Variants in MYO1E observed in about 807,000 individuals in gnomAD.
MYO1E encodes the protein myosin IE, also known as unconventional myosin-Ie.
In MYO1E, 68 loss-of-function variants were observed where a neutral mutation model predicts 151.1. That is an observed-to-expected ratio of 0.45 (90% confidence interval 0.37 to 0.55). The LOEUF (loss-of-function observed/expected upper bound fraction) is 0.55. Among genes scored for constraint, MYO1E ranks in the 20% least tolerant of loss-of-function variants. The probability of loss-of-function intolerance (pLI) is 0.00; values close to 1 mark genes in which losing one functional copy is unlikely to be tolerated. For synonymous variants in MYO1E, 601 were observed against 501.7 expected (o/e 1.20, Z -2.64); for missense variants, 1,363 against 1,389.3 (o/e 0.98, Z 0.30).
rs1193574053 is a variant in MYO1E, at chr15:59,153,706, C to T, written c.2964G>A (p.Leu988=). The T allele has an allele frequency of 1.2e-6, 2 of 1,614,156 alleles. No individual in the cohort carries two copies. Among genetic ancestry groups the T allele is most frequent in the South Asian group, 1.1e-5 (1 of 91,084 alleles). The change falls in exon 26 of 28, where the codon CTG becomes CTA. Residue 988 remains leucine (L), a synonymous_variant. Transcript: ENST00000288235. ...PGSQRSNQKS[L]YTSMARPPLP... is the part of the protein sequence containing the mutation. ...AGGGCGGGCGGGCCATGGAGGTGTA[C>T]AGGCTTTTCTGATTGGACCTCTGGC...
intron 25 of MYO1E, among the ~76,000 whole-genome samples, chr15:59,156,595 T>C (rs1256022214): frequency 2.6e-5 from 4 of 152,220 alleles, no homozygotes; most frequent in African/African-American, 7.2e-5. Flanking sequence ...TCCCAAAGTG[T>C]TGGGATTACA....
chr15:59,314,283 G>A (rs1245433755), intron 1 of MYO1E, among the ~76,000 whole-genome samples: 1 of 152,196 alleles, frequency 6.6e-6, no homozygotes, highest in East Asian at 1.9e-4. Context: ...TTCACACAAT[G>A]CTGGAGAGAA....
rs146014799 is a variant in MYO1E, at chr15:59,344,436, C to T, written c.3+28062G>A. ...AGGGTGACAAAAGCACCCCTATGGC[C>T]ACCACCACTGGGGACTGCAGGTCTG... On this transcript the variant is annotated intron_variant, in intron 1 of 27. Coordinates refer to ENST00000288235, the MANE Select transcript of MYO1E (RefSeq NM_004998.4). 4.1e-3 allele frequency among the ~76,000 whole-genome samples: 618 copies of T among 152,304 alleles called. 8 individuals carry two copies. The highest frequency in any genetic ancestry group is 0.014 in the African/African-American group (593 of 41,566).
At chr15:59,294,982 G>C (rs1274952120) in intron 1 of MYO1E, among the ~76,000 whole-genome samples, 3 of 152,070 alleles carry the variant, frequency 2.0e-5, no homozygotes, top group Non-Finnish European at 4.4e-5. Flanking sequence ...CGGTAATCTT[G>C]TCTGTCCTCT....
At chr15:59,191,106 C>T (rs943886316) in intron 17 of MYO1E, among the ~76,000 whole-genome samples, 4 of 152,028 alleles carry the variant, frequency 2.6e-5, no homozygotes, top group South Asian at 4.2e-4. Context: ...CTTACAGAGC[C>T]AAGAGCCAGA....
chr15:59,349,176 TTATTAA>T (rs767982703), intron 1 of MYO1E, among the ~76,000 whole-genome samples: 9 of 152,184 alleles, frequency 5.9e-5, no homozygotes, highest in Non-Finnish European at 8.8e-5. Context: ...ATTTGAAACC[TTATTAA>T]TAGTAATTAT....
At chr15:59,273,679 GGAA>G (rs2080301584) in intron 1 of MYO1E, among the ~76,000 whole-genome samples, 1 of 103,338 alleles carries the variant, frequency 9.7e-6, no homozygotes. Flanking sequence ...GACCAGAGGA[GGAA>G]GGACATTCAT....
intron 1 of MYO1E, among the ~76,000 whole-genome samples, chr15:59,364,870 C>T (rs2080904340): frequency 6.6e-6 from 1 of 152,016 alleles, no homozygotes; most frequent in South Asian, 2.1e-4. Flanking sequence ...GATTATGCCA[C>T]TGCACTCCAG....
At chr15:59,216,724 A>AC (rs2079921294) in intron 10 of MYO1E, among the ~76,000 whole-genome samples, 4 of 131,460 alleles carry the variant, frequency 3.0e-5, no homozygotes, top group Non-Finnish European at 4.9e-5. Flanking sequence ...ACACACACAC[A>AC]TAATTATGCC....
chr15:59,133,205 C>T lies in MYO1E; in HGVS notation c.*4175G>A, dbSNP rs2079354465. 6.6e-6 allele frequency: 1 copy of T among 152,154 alleles called. No homozygotes were observed. The highest frequency in any genetic ancestry group is 1.5e-5 in the Non-Finnish European group (1 of 68,064). 9.4% of individuals were successfully genotyped at this position (152,154 alleles called of 1,614,324 possible). On this transcript the variant is annotated 3_prime_UTR_variant, in exon 28 of 28. Transcript: ENST00000288235. ...AGACCAGCTGGGCAACACAGGGAGA[C>T]CCCATCTGTACAAATAATTAGCCGA...
chr15:59,340,094 G>C (rs2080755992), intron 1 of MYO1E, among the ~76,000 whole-genome samples: 1 of 152,116 alleles, frequency 6.6e-6, no homozygotes, highest in African/African-American at 2.4e-5. Flanking sequence ...GACCTCAGGT[G>C]ATCTGCCTGT....
intron 26 of MYO1E, among the ~76,000 whole-genome samples, chr15:59,146,260 G>T (rs577274516): frequency 7.8e-4 from 119 of 152,266 alleles, no homozygotes; most frequent in African/African-American, 2.7e-3. Flanking sequence ...AAACATCACA[G>T]AATTGAAAAT....
At position 59,174,107 on chromosome 15, in the gene MYO1E, A is replaced by G; in HGVS notation, c.2164+19T>C. 6.3e-7 allele frequency: 1 copy of G among 1,597,290 alleles called. No homozygotes were observed. The highest frequency in any genetic ancestry group is 8.6e-7 in the Non-Finnish European group (1 of 1,164,762). On this transcript the variant is annotated intron_variant, in intron 20 of 27. Coordinates refer to ENST00000288235, the MANE Select transcript of MYO1E (RefSeq NM_004998.4). ...TCTTCAGATTTATTAAAATCAATGA[A>G]ACAAAATTGCTAAAATACCTTCTTC... is the stretch of plus-strand genomic sequence containing the variant.
At chr15:59,272,772 G>T (rs1041583137) in intron 1 of MYO1E, among the ~76,000 whole-genome samples, 4 of 152,174 alleles carry the variant, frequency 2.6e-5, no homozygotes, top group Non-Finnish European at 5.9e-5. Flanking sequence ...TGTGTGAAGT[G>T]CTAAACAGTG....
chr15:59,195,014 A>G (rs1450824184), intron 17 of MYO1E, among the ~76,000 whole-genome samples: 2 of 152,182 alleles, frequency 1.3e-5, no homozygotes, highest in Admixed American at 1.3e-4. Flanking sequence ...TGTCTTCACG[A>G]GGCACAGCAA....
intron 15 of MYO1E, among the ~76,000 whole-genome samples, chr15:59,203,735 G>A (rs1354833762): frequency 2.0e-5 from 3 of 152,220 alleles, no homozygotes; most frequent in Admixed American, 2.0e-4. Flanking sequence ...TGCCTCACTA[G>A]CAACAGGGCA....
chr15:59,362,179 A>G (rs1199169838), intron 1 of MYO1E, among the ~76,000 whole-genome samples: 7 of 152,182 alleles, frequency 4.6e-5, no homozygotes, highest in African/African-American at 1.4e-4. Context: ...ATATATGTAC[A>G]CATACACAAA....
intron 16 of MYO1E, among the ~76,000 whole-genome samples, chr15:59,197,349 C>A (rs2140331191): frequency 6.6e-6 from 1 of 152,272 alleles, no homozygotes; most frequent in South Asian, 2.1e-4. Flanking sequence ...AAGTATTTAA[C>A]AGCATTCCTT....
chr15:59,254,084 A>G (rs982853916), intron 4 of MYO1E, among the ~76,000 whole-genome samples: 34 of 152,168 alleles, frequency 2.2e-4, no homozygotes, highest in African/African-American at 8.2e-4. Context: ...GAATACTGAT[A>G]TTAGATACTA....
Sources: gnomAD v4.1 joint callset for allele counts (sites outside exome capture counted in the v4.1 genomes callset) on GRCh38, gnomAD v4.1.1 for gene constraint, MANE v1.5 for transcripts, NCBI Gene and HGNC (gene_info 2026-07-23, HGNC 2026-07-21) for gene names.